The following MOB1B variants were observed in gnomAD, a reference collection of about 807,000 sequenced individuals.
MOB1B encodes the protein MOB1 Mps One Binder homolog B.
In MOB1B, 19 loss-of-function variants were observed where a neutral mutation model predicts 24.4. The ratio of observed to expected loss-of-function variants is 0.78; its 90% CI spans 0.54 to 1.14. MOB1B has a LOEUF of 1.14. MOB1B is among the 50% of genes most tolerant of loss of function. The pLI is 0.00. For synonymous variants in MOB1B, 76 were observed against 82.1 expected, an observed-to-expected ratio of 0.93 and a Z score of 0.40; for missense variants, 243 against 259.6, an observed-to-expected ratio of 0.94 and a Z score of 0.44.
chr4:70,958,240 C>T (rs774306642), intron 1 of MOB1B, among the ~76,000 whole-genome samples: 17 of 151,578 alleles, frequency 1.1e-4, no homozygotes, highest in Non-Finnish European at 2.4e-4. Context: ...TCTTGGGTCA[C>T]CACAACCTCT....
chr4:70,964,930 CAAAA>C (rs899053515), intron 2 of MOB1B, among the ~76,000 whole-genome samples: 16 of 84,558 alleles, frequency 1.9e-4, no homozygotes, highest in African/African-American at 7.2e-4. Flanking sequence ...AACTCCGTCT[CAAAA>C]AAAAAAAAAA....
Position 70,932,406 on chromosome 4 carries a change from CTTT to C in MOB1B, c.15-26462_15-26460del, listed in dbSNP as rs1430174536. 1.6e-4 allele frequency among the ~76,000 whole-genome samples: 24 copies of C among 152,088 alleles called. No individual in the cohort carries two copies. The East Asian group carries it at 4.4e-3, about 28-fold the overall frequency. On this transcript the variant is annotated intron_variant, in intron 1 of 5. Transcript: ENST00000309395. ...TCAAGGAATTTTTTTCTTTTTCTTT[CTTT>C]TTTTTAACCACATGAAGTAGGTAAT... is the stretch of plus-strand genomic sequence containing the variant.
intron 1 of MOB1B, chr4:70,958,593 A>G: frequency 1.1e-5 from 5 of 465,668 alleles, no homozygotes; most frequent in Non-Finnish European, 2.1e-5. Flanking sequence ...AATAGGAGTG[A>G]AAGGAATACA....
chr4:70,978,717 A>G (rs1208152410), intron 4 of MOB1B, among the ~76,000 whole-genome samples: 6 of 152,202 alleles, frequency 3.9e-5, no homozygotes, highest in Non-Finnish European at 7.3e-5. Flanking sequence ...AAAAAGTACA[A>G]TATAAACTGC....
At chr4:70,935,433 G>A (rs926926928) in intron 1 of MOB1B, among the ~76,000 whole-genome samples, 2 of 152,112 alleles carry the variant, frequency 1.3e-5, no homozygotes, top group South Asian at 2.1e-4. Flanking sequence ...TTCAGTTAGC[G>A]GCTTGGCAAC....
At chr4:70,947,766 GCCACCACAC>G (rs1373303976) in intron 1 of MOB1B, among the ~76,000 whole-genome samples, 1 of 152,062 alleles carries the variant, frequency 6.6e-6, no homozygotes, top group Non-Finnish European at 1.5e-5. Context: ...GCAGGTGTGT[GCCACCACAC>G]CCAGATAATT....
chr4:70,946,951 A>T (rs985349430), intron 1 of MOB1B, among the ~76,000 whole-genome samples: 1 of 152,212 alleles, frequency 6.6e-6, no homozygotes, highest in African/African-American at 2.4e-5. Flanking sequence ...CTTTCACATT[A>T]TATTGAGCGT....
intron 2 of MOB1B, among the ~76,000 whole-genome samples, chr4:70,964,657 C>T (rs1402945250): frequency 5.3e-5 from 8 of 152,230 alleles, no homozygotes; most frequent in East Asian, 3.9e-4. Flanking sequence ...AGGCCGGGTG[C>T]GGTGGTTCAT....
rs1739414449 is a variant in MOB1B at position 70,987,357 on chromosome 4, G to GGGCGT, written c.*5301_*5305dup. 6.6e-6 allele frequency: 1 copy of GGGCGT among 151,804 alleles called. No individual in the cohort carries two copies. Among genetic ancestry groups the GGGCGT allele is most frequent in the African/African-American group, 2.4e-5 (1 of 41,368 alleles). 9.4% of individuals were successfully genotyped at this position (151,804 alleles called of 1,614,324 possible). A position where few individuals can be genotyped will look rare whatever the true frequency, so the allele number is the denominator to read the frequency against. ...GATTTAATATTAAATTTGTATAGGT[G>GGGCGT]GGCGTTTCTTACCATTTTGCACAAG... On this transcript the variant is annotated 3_prime_UTR_variant, in exon 6 of 6. Coordinates refer to ENST00000309395, the MANE Select transcript of MOB1B (RefSeq NM_173468.4).
chr4:70,933,674 C>T (rs1736972465), intron 1 of MOB1B, among the ~76,000 whole-genome samples: 1 of 149,736 alleles, frequency 6.7e-6, no homozygotes, highest in Non-Finnish European at 1.5e-5. Context: ...GCCTCAGCTT[C>T]CCGAGTAGCT....
At chr4:70,935,768 T>G (rs1018440925) in intron 1 of MOB1B, among the ~76,000 whole-genome samples, 1 of 151,824 alleles carries the variant, frequency 6.6e-6, no homozygotes, top group African/African-American at 2.4e-5. Flanking sequence ...TTCTGCCTCC[T>G]GAGCTTAGGC....
intron 2 of MOB1B, among the ~76,000 whole-genome samples, chr4:70,961,870 G>T (rs1258979814): frequency 6.6e-6 from 1 of 152,080 alleles, no homozygotes; most frequent in Non-Finnish European, 1.5e-5. Context: ...CAAATAATAG[G>T]TGAAAGTGTA....
chr4:70,967,307 G>T lies in MOB1B; in HGVS notation c.182-2624G>T, dbSNP rs139460406. ...TGCTGCCATGTCCGGCTAATTTTTGGTATTTCAGTAGACATAGGGTTTCAC... is the reference window on the plus strand; with the variant it reads ...TGCTGCCATGTCCGGCTAATTTTTGTTATTTCAGTAGACATAGGGTTTCAC... On this transcript the variant is annotated intron_variant, in intron 2 of 5. Coordinates refer to ENST00000309395, the MANE Select transcript of MOB1B (RefSeq NM_173468.4). 7.5e-3 allele frequency among the ~76,000 whole-genome samples: 1,134 copies of T among 152,118 alleles called. 13 individuals are homozygous for T. Among genetic ancestry groups the T allele is most frequent in the African/African-American group, 0.026 (1,095 of 41,508 alleles).
At chr4:70,920,653 C>T (rs751734793) in intron 1 of MOB1B, among the ~76,000 whole-genome samples, 1 of 152,158 alleles carries the variant, frequency 6.6e-6, no homozygotes, top group Non-Finnish European at 1.5e-5. Flanking sequence ...TACCCTTTTG[C>T]CAGCATGCCA....
At chr4:70,933,953 G>A (rs1022160924) in intron 1 of MOB1B, among the ~76,000 whole-genome samples, 2 of 152,160 alleles carry the variant, frequency 1.3e-5, no homozygotes, top group African/African-American at 2.4e-5. Context: ...TTCTGAGGCC[G>A]AGGCAGGTGG....
intron 4 of MOB1B, among the ~76,000 whole-genome samples, chr4:70,978,653 G>T (rs1739092054): frequency 6.6e-6 from 1 of 152,210 alleles, no homozygotes; most frequent in African/African-American, 2.4e-5. Context: ...AGAGAATGCA[G>T]CTAATTTCAG....
At chr4:70,931,108 A>G (rs184030506) in intron 1 of MOB1B, among the ~76,000 whole-genome samples, 260 of 152,082 alleles carry the variant, frequency 1.7e-3, no homozygotes, top group Non-Finnish European at 2.3e-3. Flanking sequence ...CTTTGTTTAG[A>G]GAAATCATGG....
At chr4:70,946,725 A>G (rs1373236137) in intron 1 of MOB1B, among the ~76,000 whole-genome samples, 2 of 152,188 alleles carry the variant, frequency 1.3e-5, no homozygotes, top group African/African-American at 2.4e-5. Flanking sequence ...TGGGAAAAAG[A>G]AACACAAGTC....
At chr4:70,947,554 C>T (rs572739953) in intron 1 of MOB1B, among the ~76,000 whole-genome samples, 2 of 152,226 alleles carry the variant, frequency 1.3e-5, no homozygotes, top group Admixed American at 6.5e-5. Context: ...TGTATGTGAT[C>T]GGCAAAGATT....
Sources: gnomAD v4.1 joint callset for allele counts (sites outside exome capture counted in the v4.1 genomes callset) on GRCh38, gnomAD v4.1.1 for gene constraint, MANE v1.5 for transcripts, NCBI Gene and HGNC (gene_info 2026-07-23, HGNC 2026-07-21) for gene names.